Variants in MED12 observed in about 807,000 individuals in gnomAD.
MED12 encodes the protein mediator of RNA polymerase II transcription subunit 12.
A neutral mutation model predicts 177.7 loss-of-function variants in MED12; 10 were observed. The ratio of observed to expected loss-of-function variants is 0.06; its 90% CI spans 0.03 to 0.10. MED12 has a LOEUF of 0.10. Among genes scored for constraint, MED12 ranks in the 10% least tolerant of loss-of-function variants. The pLI is 1.00. For missense variants in MED12, 867 were observed against 1,780.8 expected, an observed-to-expected ratio of 0.49 and a Z score of 9.23; for synonymous variants, 641 against 678.4, an observed-to-expected ratio of 0.94 and a Z score of 0.86.
At chrX:71,137,444 C>A in intron 39 of MED12, 61 bp downstream of exon 39, 1 of 1,171,811 alleles carries the variant, frequency 8.5e-7, no homozygotes, top group Non-Finnish European at 1.2e-6. Flanking sequence ...TTGAGGGTCA[C>A]AGGACGGAGG....
At chrX:71,120,582 TA>T (rs1487135765) in intron 4 of MED12, among the ~76,000 whole-genome samples, 2 of 107,396 alleles carry the variant, frequency 1.9e-5, no homozygotes, top group Admixed American at 2.0e-4. Context: ...ATATGGTGAT[TA>T]GGGGTGGGGG....
At chrX:71,133,374 C>T (rs1284206574) in intron 33 of MED12, among the ~76,000 whole-genome samples, 162 bp downstream of exon 33, 2 of 106,951 alleles carry the variant, frequency 1.9e-5, no homozygotes, top group African/African-American at 6.9e-5. Context: ...CACTCTGTCA[C>T]CCAAGCTGGA....
intron 28 of MED12, among the ~76,000 whole-genome samples, chrX:71,131,283 C>A (rs1161421643): frequency 9.0e-6 from 1 of 110,763 alleles, no homozygotes; most frequent in Non-Finnish European, 1.9e-5. Context: ...TCGCCCATCA[C>A]CACGCCCAGC....
chrX:71,139,359 A>T (rs887478413), intron 41 of MED12, among the ~76,000 whole-genome samples: 1 of 110,669 alleles, frequency 9.0e-6, no homozygotes, highest in Non-Finnish European at 1.9e-5. Flanking sequence ...GAACAAAGAC[A>T]TGGGGACCAG....
chrX:71,135,193 C>A lies in MED12; in HGVS notation c.4965C>A (p.Gly1655=). The A allele has an allele frequency of 8.3e-7, 1 of 1,211,641 alleles. No individual in the cohort carries two copies. Among genetic ancestry groups the A allele is most frequent in the East Asian group, 3.0e-5 (1 of 33,837 alleles). Residue 1655 remains glycine (G), a synonymous_variant, in exon 36 of 45, where the codon GGC becomes GGA. Coordinates refer to ENST00000374080, the MANE Select transcript of MED12 (RefSeq NM_005120.3). Reference sequence around the variant, plus strand: ...ATGTCATCACGTGTGAGCCACAGGGCTCCCTTATCGATACCAAGGGCAACA... The same window carrying A: ...ATGTCATCACGTGTGAGCCACAGGGATCCCTTATCGATACCAAGGGCAACA... ...TRDVITCEPQ[G]SLIDTKGNKI...
rs1000959167 is a variant in MED12 at position 71,123,509 on chromosome X, A to G, written c.1618-85A>G. On this transcript the variant is annotated intron_variant, in intron 11 of 44. Transcript: ENST00000374080. ...AGTGAAAAGCATGGGGTAGAGGTCA[A>G]GCAGGTGGTAGTTTAAGGCCTACAC... 79 of 1,098,162 alleles carry G rather than the reference A, an allele frequency of 7.2e-5. 1 individual carries two copies. The highest frequency in any genetic ancestry group is 8.3e-5 in the Non-Finnish European group (66 of 796,853). 90.5% of individuals were successfully genotyped at this position (1,098,162 alleles called of 1,213,427 possible).
In MED12 at chrX:71,133,237, A is replaced by G. The variant is rs760499470; in HGVS notation, c.4617+25A>G. On this transcript the variant is annotated intron_variant, in intron 33 of 44. Transcript: ENST00000374080. ...GGTGAGAAGGCCAGCTGGGGAGAAGAAGGAAGAGGGTAGGGCTGGAAATGC... is the reference window on the plus strand; with the variant it reads ...GGTGAGAAGGCCAGCTGGGGAGAAGGAGGAAGAGGGTAGGGCTGGAAATGC... 411 of 1,079,525 alleles carry G rather than the reference A, an allele frequency of 3.8e-4. No individual in the cohort carries two copies. The South Asian group carries it at 7.3e-3, about 19-fold the overall frequency. The allele number at this position is 1,079,525 out of a possible 1,213,427, so 89.0% of individuals were successfully genotyped here. A position where few individuals can be genotyped will look rare whatever the true frequency, so the allele number is the denominator to read the frequency against.
intron 28 of MED12, among the ~76,000 whole-genome samples, chrX:71,131,274 C>T (rs756462989): frequency 3.5e-4 from 39 of 110,294 alleles, no homozygotes; most frequent in Non-Finnish European, 6.8e-4. Context: ...GATTACAGGT[C>T]GCCCATCACC....
Position 71,121,813 on chromosome X carries a change from A to G in MED12, c.1098A>G (p.Leu366=), listed in dbSNP as rs1325162892. ...TGGTTTTTGGCCTCAGCTGTATCCT[A>G]CAGGTAGGTACTAGGCGGGCCCAAG... ...RPLVFGLSCI[L]QTILLCCPSA... The change falls in exon 7 of 45, where the codon CTA becomes CTG. Residue 366 remains leucine (L), a synonymous_variant. Coordinates refer to ENST00000374080, the MANE Select transcript of MED12 (RefSeq NM_005120.3). 4.1e-6 allele frequency: 5 copies of G among 1,211,892 alleles called. No homozygotes were observed. The Admixed American group carries it at 6.5e-5, about 16-fold the overall frequency.
intron 33 of MED12, 127 bp from the exon 34 acceptor site, chrX:71,134,230 C>CAA (rs35646519): frequency 0.082 from 21,764 of 266,313 alleles, 4 homozygotes; most frequent in Middle Eastern, 0.11. Context: ...GACTCCGTCT[C>CAA]AAAAAAAAAA....
chrX:71,125,637 T>TGGGGGGGGGGG, intron 16 of MED12, 26 bp from the exon 17 acceptor site: 1 of 1,092,095 alleles, frequency 9.2e-7, no homozygotes, highest in Non-Finnish European at 1.3e-6. Flanking sequence ...TTTTGAAACT[T>TGGGGGGGGGGG]CCCCCCTCAT....
rs878854752 is a variant in MED12 at position 71,124,988 on chromosome X, A to G, written c.2068A>G (p.Thr690Ala). ...ACCTTTCTCTCAGTTGTTCTCCCCT[A>G]CTATGCCCTGTGAGGGGAAGGGCAG... ...EKPDFSLFSP[T>A]MPCEGKGSPS... Residue 690 changes from threonine to alanine, a missense_variant, in exon 15 of 45, where the codon ACT becomes GCT. Around this residue, in one of 14 missense-constraint regions of MED12, gnomAD observed 309 missense variants for 556.3 expected, o/e 0.56. Transcript: ENST00000374080. 2.3e-5 allele frequency: 28 copies of G among 1,209,455 alleles called. No homozygotes were observed. The highest frequency in any genetic ancestry group is 3.0e-5 in the Non-Finnish European group (27 of 894,531).
chrX:71,141,852 CT>C, intron 43 of MED12, 30 bp from the exon 44 acceptor site: 3 of 1,184,052 alleles, frequency 2.5e-6, no homozygotes, highest in Non-Finnish European at 3.4e-6. Context: ...AAAAGTTCGA[CT>C]TCAGTCTTCC....
chrX:71,126,930 G>T (rs746496660), intron 19 of MED12, 39 bp from the exon 20 acceptor site: 8 of 1,187,862 alleles, frequency 6.7e-6, no homozygotes, highest in Non-Finnish European at 8.0e-6. Flanking sequence ...GTAACACAAG[G>T]GGCCTCTTTG....
rs1257997950 is a variant in MED12, at chrX:71,137,626, G to C, written c.5817G>C (p.Gln1939His). The change falls in exon 40 of 45, where the codon CAG becomes CAC. Residue 1939 changes from glutamine to histidine, a missense_variant. Physicochemically the swap from Gln to His is conservative, Grantham distance 24. This residue lies in a region of MED12 where 236 missense variants were observed against 345.2 expected (regional missense o/e 0.68). Transcript: ENST00000374080. ...QMTPSSSYGL[Q>H]TSQGYTPYVS... is the part of the protein sequence containing the mutation. ...CTCCCAGCTCTTCCTACGGTTTGCA[G>C]ACTTCCCAGGTAAGAGCCTGGGATT... The C allele has an allele frequency of 8.3e-7, 1 of 1,207,261 alleles. No individual in the cohort carries two copies. The highest frequency in any genetic ancestry group is 1.8e-5 in the African/African-American group (1 of 56,984).
rs1406530332 is a variant in MED12, at chrX:71,124,258, C to T, written c.1844C>T (p.Thr615Ile). Reference sequence around the variant, plus strand: ...GATGTTTTCTCCCACAACATGTATACTTGCACTCTCATCTCCCGAGGGGAC... The same window carrying T: ...GATGTTTTCTCCCACAACATGTATATTTGCACTCTCATCTCCCGAGGGGAC... ...RHDVFSHNMY[T>I]CTLISRGDLA... The change falls in exon 13 of 45, where the codon ACT becomes ATT. Residue 615 changes from threonine (T) to isoleucine (I), a missense_variant. Coordinates refer to ENST00000374080, the MANE Select transcript of MED12 (RefSeq NM_005120.3). The T allele has an allele frequency of 4.1e-6, 5 of 1,210,263 alleles. No homozygotes were observed. In the Admixed American group the frequency reaches 1.1e-4, roughly 26 times the overall value.
chrX:71,137,561 A>C lies in MED12; in HGVS notation c.5752A>C (p.Ser1918Arg), dbSNP rs752786651. ...GQRLRQQLQQ[S>R]QGMLGQSSVH... ...TTGTTCTCTTTTCTCCCTTTAGCAG[A>C]GTCAGGGCATGTTGGGACAGTCATC... The change falls in exon 40 of 45, where the codon AGT becomes CGT. Residue 1918 changes from serine (S) to arginine (R), a missense_variant. Around this residue, in one of 14 missense-constraint regions of MED12, gnomAD observed 236 missense variants for 345.2 expected, o/e 0.68. Transcript: ENST00000374080. 1 of 1,208,894 alleles carries C rather than the reference A, an allele frequency of 8.3e-7. No homozygotes were observed. The highest frequency in any genetic ancestry group is 1.1e-6 in the Non-Finnish European group (1 of 893,564).
chrX:71,142,395 T>G lies in MED12; in HGVS notation c.*177T>G. On this transcript the variant is annotated 3_prime_UTR_variant, in exon 45 of 45. Transcript: ENST00000374080. Reference sequence around the variant, plus strand: ...CATTGAGCTGTTGGGTTTTGTATATTATTTATATAGAGACCCCAGAGCTGT... The same window carrying G: ...CATTGAGCTGTTGGGTTTTGTATATGATTTATATAGAGACCCCAGAGCTGT... The G allele has an allele frequency of 2.1e-6, 1 of 468,896 alleles. No individual in the cohort carries two copies. The highest frequency in any genetic ancestry group is 3.3e-5 in the South Asian group (1 of 30,702). 38.6% of individuals were successfully genotyped at this position (468,896 alleles called of 1,213,427 possible).
chrX:71,133,597 G>GT (rs756211989), intron 33 of MED12, among the ~76,000 whole-genome samples: 5 of 110,784 alleles, frequency 4.5e-5, no homozygotes, highest in Non-Finnish European at 9.4e-5. Flanking sequence ...GCCTCCCAAA[G>GT]TGCTGGGATT....
Sources: gnomAD v4.1 joint callset for allele counts (sites outside exome capture counted in the v4.1 genomes callset) on GRCh38, gnomAD v4.1.1 for gene constraint, gnomAD v4.1.1 regional missense constraint, MANE v1.5 for transcripts, NCBI Gene and HGNC (gene_info 2026-07-23, HGNC 2026-07-21) for gene names.